SORT1: variants seen among roughly 807,000 people sequenced by gnomAD.
The protein encoded by SORT1 is sortilin 1.
SORT1 carries 39 observed loss-of-function variants against 101.7 expected under a neutral mutation model. The observed-to-expected ratio is 0.38, with a 90% confidence interval of 0.30 to 0.50. The LOEUF (loss-of-function observed/expected upper bound fraction) is 0.50. Among genes scored for constraint, SORT1 ranks in the 20% least tolerant of loss-of-function variants. The pLI, the probability that SORT1 is intolerant of heterozygous loss-of-function variation, is 0.90. For synonymous variants in SORT1, 396 were observed against 393.7 expected (o/e 1.01, Z -0.07); for missense variants, 878 against 1,040.4 (o/e 0.84, Z 2.15).
chr1:109,355,647 C>T (rs12030746), intron 3 of SORT1, among the ~76,000 whole-genome samples, 178 bp from the exon 4 acceptor site: 1 of 55,134 alleles, frequency 1.8e-5, no homozygotes, highest in Non-Finnish European at 3.4e-5. Context: ...TTCCACCCGC[C>T]CCCCCCCCCA....
chr1:109,349,204 G>C (rs974310898), intron 6 of SORT1, among the ~76,000 whole-genome samples: 3 of 152,014 alleles, frequency 2.0e-5, no homozygotes, highest in Non-Finnish European at 2.9e-5. Context: ...AGTTAGCTGG[G>C]TGTGGTGGCA....
intron 15 of SORT1, among the ~76,000 whole-genome samples, chr1:109,320,472 A>G (rs1292199897): frequency 3.9e-5 from 6 of 151,994 alleles, no homozygotes; most frequent in Non-Finnish European, 8.8e-5. Context: ...GACTTCCCCA[A>G]TGGCCTATCT....
intron 4 of SORT1, 50 bp downstream of exon 4, chr1:109,355,317 C>A: frequency 1.1e-6 from 1 of 897,410 alleles, no homozygotes; most frequent in East Asian, 2.4e-5. Context: ...TCTGACAGCT[C>A]TGCATGTGGT....
rs1409191598 is a variant in SORT1 at position 109,326,480 on chromosome 1, CACACAT to C, written c.1643+506_1643+511del. 2.6e-4 allele frequency among the ~76,000 whole-genome samples: 30 copies of C among 114,504 alleles called. 1 individual carries two copies. The highest frequency in any genetic ancestry group is 7.9e-4 in the African/African-American group (25 of 31,476). The allele number at this position is 114,504 out of a possible 152,430, so 75.1% of individuals were successfully genotyped here. ...ATATATATATACATACACACACACA[CACACAT>C]ATATATACACACATATATACACACA... is the stretch of plus-strand genomic sequence containing the variant. On this transcript the variant is annotated intron_variant, in intron 13 of 19. Transcript: ENST00000256637.
At chr1:109,344,592 A>G (rs1329238668) in intron 8 of SORT1, among the ~76,000 whole-genome samples, 1 of 152,222 alleles carries the variant, frequency 6.6e-6, no homozygotes, top group African/African-American at 2.4e-5. Context: ...CAGAGAGCCC[A>G]TCCTAAACAG....
chr1:109,341,014 C>CCTTGATTAATTCTCAGGT, intron 9 of SORT1, 135 bp from the exon 10 acceptor site: 1 of 652,166 alleles, frequency 1.5e-6, no homozygotes, highest in Non-Finnish European at 2.6e-6. Flanking sequence ...AAGACTCAGA[C>CCTTGATTAATTCTCAGGT]CTGAGAATTA....
At chr1:109,383,969 C>T (rs1447129493) in intron 1 of SORT1, among the ~76,000 whole-genome samples, 2 of 152,170 alleles carry the variant, frequency 1.3e-5, no homozygotes, top group Non-Finnish European at 2.9e-5. Context: ...AATTGGGCAG[C>T]ACAACCTGAC....
At chr1:109,388,439 C>G (rs1652714656) in intron 1 of SORT1, among the ~76,000 whole-genome samples, 1 of 152,074 alleles carries the variant, frequency 6.6e-6, no homozygotes. Flanking sequence ...TGGGGTCTCA[C>G]TATGTTGCCC....
In SORT1 at chr1:109,397,777, G is replaced by T; in HGVS notation, c.116C>A (p.Ala39Glu). Residue 39 changes from alanine (A) to glutamate (E), a missense_variant, in exon 1 of 20, where the codon GCG (alanine) becomes GAG (glutamate). Around this residue, in one of 2 missense-constraint regions of SORT1, gnomAD observed 194 missense variants for 145.9 expected, o/e 1.33. Coordinates refer to ENST00000256637, the MANE Select transcript of SORT1 (RefSeq NM_002959.7). Reference sequence around the variant, plus strand: ...CAGCGGCGCAGCGGGCGGCGGCGGCGCGTCCAGCCGGTCCTGGCTGAGGGT... The same window carrying T: ...CAGCGGCGCAGCGGGCGGCGGCGGCTCGTCCAGCCGGTCCTGGCTGAGGGT... ...PSTLSQDRLD[A>E]PPPPAAPLPR... 1 of 1,219,686 alleles carries T rather than the reference G, an allele frequency of 8.2e-7. No individual in the cohort carries two copies. The highest frequency in any genetic ancestry group is 1.0e-6 in the Non-Finnish European group (1 of 977,156). The allele number at this position is 1,219,686 out of a possible 1,614,324, so 75.6% of individuals were successfully genotyped here. A position where few individuals can be genotyped will look rare whatever the true frequency, so the allele number is the denominator to read the frequency against.
intron 1 of SORT1, among the ~76,000 whole-genome samples, chr1:109,385,427 G>C (rs1652515245): frequency 6.6e-6 from 1 of 152,174 alleles, no homozygotes; most frequent in African/African-American, 2.4e-5. Flanking sequence ...AAAAGGGTAG[G>C]CTTAGTTTTT....
At chr1:109,322,098 T>A (rs767236534) in intron 15 of SORT1, among the ~76,000 whole-genome samples, 10 of 151,566 alleles carry the variant, frequency 6.6e-5, no homozygotes, top group Non-Finnish European at 1.3e-4. Context: ...TTCTTTTTCT[T>A]TCTTTCTGTT....
intron 1 of SORT1, chr1:109,392,978 T>C: frequency 7.1e-6 from 7 of 985,478 alleles, no homozygotes; most frequent in South Asian, 4.7e-5. Context: ...AGGCCAAGTA[T>C]TGGAAGAAAT....
chr1:109,346,277 T>C (rs112768299), intron 7 of SORT1, among the ~76,000 whole-genome samples: 219 of 147,026 alleles, frequency 1.5e-3, no homozygotes, highest in African/African-American at 5.2e-3. Context: ...CGCGCCACTG[T>C]GCTCCAGCCT....
chr1:109,349,294 G>A (rs537571222), intron 6 of SORT1, among the ~76,000 whole-genome samples: 8 of 152,024 alleles, frequency 5.3e-5, no homozygotes, highest in South Asian at 2.1e-4. Context: ...GCAGTGAGCC[G>A]AGATTGCACC....
intron 3 of SORT1, among the ~76,000 whole-genome samples, chr1:109,360,730 G>C (rs1015953854): frequency 1.3e-5 from 2 of 152,128 alleles, no homozygotes; most frequent in African/African-American, 4.8e-5. Flanking sequence ...TCCCAGACAC[G>C]CTGGGATTGT....
chr1:109,315,931 T>A (rs1647200844), intron 17 of SORT1, among the ~76,000 whole-genome samples: 1 of 151,576 alleles, frequency 6.6e-6, no homozygotes, highest in Admixed American at 6.6e-5. Context: ...CTAATTTTTG[T>A]ATTTTTTTTG....
At chr1:109,330,275 G>C (rs763629007) in intron 11 of SORT1, among the ~76,000 whole-genome samples, 2 of 152,152 alleles carry the variant, frequency 1.3e-5, no homozygotes, top group African/African-American at 4.8e-5. Context: ...TTATAGGCGT[G>C]AGCCAGTGTG....
At chr1:109,352,943 G>T (rs984638425) in intron 5 of SORT1, among the ~76,000 whole-genome samples, 2 of 152,154 alleles carry the variant, frequency 1.3e-5, no homozygotes, top group Non-Finnish European at 2.9e-5. Flanking sequence ...AGCTTAAGCG[G>T]CTGGAGGCCA....
At chr1:109,384,939 G>T (rs916123046) in intron 1 of SORT1, among the ~76,000 whole-genome samples, 5 of 152,092 alleles carry the variant, frequency 3.3e-5, no homozygotes, top group Non-Finnish European at 7.4e-5. Flanking sequence ...TTAGCCAGGT[G>T]TGGTGGCGTA....
Sources: gnomAD v4.1 joint callset for allele counts (sites outside exome capture counted in the v4.1 genomes callset) on GRCh38, gnomAD v4.1.1 for gene constraint, gnomAD v4.1.1 regional missense constraint, MANE v1.5 for transcripts, NCBI Gene and HGNC (gene_info 2026-07-23, HGNC 2026-07-21) for gene names.